ZBBX: variants seen among roughly 807,000 people sequenced by gnomAD.
The protein encoded by ZBBX is zinc finger B-box domain containing, also known as zinc finger B-box domain-containing protein 1.
In ZBBX, 101 loss-of-function variants were observed where a neutral mutation model predicts 108.5. The observed-to-expected ratio is 0.93, with a 90% CI of 0.79 to 1.10. ZBBX has a LOEUF of 1.10. Among genes scored for constraint, ZBBX ranks in the 50% least tolerant of loss-of-function variants. The pLI is 0.00. For missense variants in ZBBX, 1,009 were observed against 941.4 expected (o/e 1.07, Z -0.94); for synonymous variants, 356 against 323.4 (o/e 1.10, Z -1.08).
chr3:167,193,706 C>A, the ZBBX span, among the ~76,000 whole-genome samples: 1 of 151,848 alleles, frequency 6.6e-6, no homozygotes, highest in Non-Finnish European at 1.5e-5. Flanking sequence ...TCACAATAGC[C>A]AAAATATGGA....
intron 20 of ZBBX, among the ~76,000 whole-genome samples, chr3:167,245,863 T>C (rs1247591212): frequency 2.0e-5 from 3 of 152,222 alleles, no homozygotes; most frequent in Admixed American, 6.5e-5. Flanking sequence ...AGTTATTTCT[T>C]ATAGCAGTGT....
chr3:167,400,670 G>A (rs190500334), intron 1 of ZBBX, among the ~76,000 whole-genome samples: 12 of 152,146 alleles, frequency 7.9e-5, no homozygotes, highest in Non-Finnish European at 8.8e-5. Context: ...GCCCGTACCC[G>A]TGACACAGCC....
At position 167,353,547 on chromosome 3, in the gene ZBBX, G is replaced by A. The variant is rs142403314; in HGVS notation, c.433-3032C>T. Among the ~76,000 whole-genome samples the A allele has an allele frequency of 2.8e-3, 427 of 152,076 alleles. 5 individuals are homozygous for A. The highest frequency in any genetic ancestry group is 9.8e-3 in the African/African-American group (408 of 41,528). On this transcript the variant is annotated intron_variant, in intron 8 of 21. Transcript: ENST00000675490. Reference sequence around the variant, plus strand: ...GTAAAGACTGAAAAATTACATAGTGGCTATGATGTTCCCATTCAGATGATG... The same window carrying A: ...GTAAAGACTGAAAAATTACATAGTGACTATGATGTTCCCATTCAGATGATG...
chr3:167,387,449 A>G (rs1560214501), intron 1 of ZBBX, among the ~76,000 whole-genome samples: 1 of 152,180 alleles, frequency 6.6e-6, no homozygotes, highest in East Asian at 1.9e-4. Flanking sequence ...TTCAGTCACA[A>G]TGATGTTCAA....
In ZBBX at chr3:167,286,790, G is replaced by T. The variant is rs956829684; in HGVS notation, c.1996+2077C>A. 2.6e-5 allele frequency among the ~76,000 whole-genome samples: 4 copies of T among 152,244 alleles called. No individual in the cohort carries two copies. The South Asian group carries it at 8.3e-4, about 32-fold the overall frequency. On this transcript the variant is annotated intron_variant, in intron 19 of 21. Transcript: ENST00000675490. ...TAGGGGAGGATTAAGTTGTGGCAGG[G>T]ATGAGAAGAATGAATAAACTTGCTG...
chr3:167,198,408 A>C, the ZBBX span, among the ~76,000 whole-genome samples: 1 of 152,144 alleles, frequency 6.6e-6, no homozygotes, highest in South Asian at 2.1e-4. Context: ...TATTATTTGT[A>C]AAATTCTTGA....
chr3:167,262,630 T>C (rs1724750629), intron 20 of ZBBX, among the ~76,000 whole-genome samples: 2 of 152,152 alleles, frequency 1.3e-5, no homozygotes, highest in African/African-American at 4.8e-5. Context: ...ATTTTTATTA[T>C]GGCTTCAATC....
intron 12 of ZBBX, among the ~76,000 whole-genome samples, chr3:167,320,587 G>A (rs1736275307): frequency 6.6e-6 from 1 of 152,000 alleles, no homozygotes; most frequent in Non-Finnish European, 1.5e-5. Flanking sequence ...GGAAAACAGA[G>A]TTGATGTATC....
intron 9 of ZBBX, among the ~76,000 whole-genome samples, chr3:167,340,369 T>C (rs887607835): frequency 6.6e-6 from 1 of 151,992 alleles, no homozygotes; most frequent in Non-Finnish European, 1.5e-5. Context: ...AATAAACCCA[T>C]CAAATTTCCA....
At chr3:167,219,930 T>A in the ZBBX span, among the ~76,000 whole-genome samples, 1 of 151,952 alleles carries the variant, frequency 6.6e-6, no homozygotes, top group African/African-American at 2.4e-5. Flanking sequence ...CAGCCGATAC[T>A]GCAGAAATTC....
intron 15 of ZBBX, 68 bp downstream of exon 15, chr3:167,315,682 C>G (rs1735317821): frequency 1.8e-6 from 2 of 1,106,932 alleles, no homozygotes; most frequent in Admixed American, 2.0e-5. Context: ...TTTAAAAAGA[C>G]AGATGATTTT....
rs1741956856 is a variant in ZBBX at position 167,348,343 on chromosome 3, A to AGAAG, written c.528+2076_528+2077insCTTC. ...AAGAAAGAAAGAAAGAAAGAAAGAAAGAAAGAAAGAAAGAAAGAAAGAAAG... is the reference window on the plus strand; with the variant it reads ...AAGAAAGAAAGAAAGAAAGAAAGAAAGAAGGAAAGAAAGAAAGAAAGAAAGAAAG... On this transcript the variant is annotated intron_variant, in intron 9 of 21. Transcript: ENST00000675490. Among the ~76,000 whole-genome samples, 6 of 111,070 alleles carry AGAAG rather than the reference A, an allele frequency of 5.4e-5. No homozygotes were observed. The East Asian group carries it at 1.6e-3, about 30-fold the overall frequency. 72.9% of individuals were successfully genotyped at this position (111,070 alleles called of 152,430 possible).
At chr3:167,216,951 T>C in the ZBBX span, among the ~76,000 whole-genome samples, 2 of 152,108 alleles carry the variant, frequency 1.3e-5, no homozygotes, top group Non-Finnish European at 2.9e-5. Flanking sequence ...CCCTTCTTTA[T>C]ATCATGTACA....
intron 2 of ZBBX, among the ~76,000 whole-genome samples, chr3:167,378,333 C>T (rs1479029621): frequency 6.6e-6 from 1 of 152,110 alleles, no homozygotes. Context: ...AACTGAGAAA[C>T]TTTGCCTTTA....
At chr3:167,382,016 G>A (rs887303428), upstream of ZBBX, among the ~76,000 whole-genome samples, 2 of 152,130 alleles carry the variant, frequency 1.3e-5, no homozygotes, top group Non-Finnish European at 2.9e-5. Flanking sequence ...TTATGTCCCA[G>A]TAAAGATTAT....
intron 9 of ZBBX, among the ~76,000 whole-genome samples, chr3:167,338,998 A>T (rs1389963334): frequency 1.3e-5 from 2 of 152,112 alleles, no homozygotes; most frequent in African/African-American, 4.8e-5. Flanking sequence ...TTGAGAAAAC[A>T]CTTCCTTCTC....
chr3:167,260,654 G>A (rs1576801125), intron 20 of ZBBX, among the ~76,000 whole-genome samples: 1 of 152,186 alleles, frequency 6.6e-6, no homozygotes, highest in Non-Finnish European at 1.5e-5. Context: ...ATTTCTAAAA[G>A]TGTGTCCAAA....
chr3:167,385,847 A>C (rs1747907287), intron 1 of ZBBX, among the ~76,000 whole-genome samples: 1 of 152,030 alleles, frequency 6.6e-6, no homozygotes, highest in African/African-American at 2.4e-5. Context: ...TGAAACTTAC[A>C]TGGTGCATAA....
rs552278478 is a variant in ZBBX at position 167,295,678 on chromosome 3, T to A, written c.1879+2627A>T. ...GTACCCAGAACTTAAAGTGAAATTT[T>A]AAAAAAAAATCATGAAGAAACAAAA... is the stretch of plus-strand genomic sequence containing the variant. On this transcript the variant is annotated intron_variant, in intron 18 of 21. Transcript: ENST00000675490. Among the ~76,000 whole-genome samples the A allele has an allele frequency of 1.2e-3, 158 of 132,182 alleles. 2 individuals are homozygous for A. The highest frequency in any genetic ancestry group is 4.5e-3 in the Middle Eastern group (1 of 224). The allele number at this position is 132,182 out of a possible 152,430, so 86.7% of individuals were successfully genotyped here. A position where few individuals can be genotyped will look rare whatever the true frequency, so the allele number is the denominator to read the frequency against.
Sources: allele counts gnomAD v4.1 joint callset (sites outside exome capture counted in the v4.1 genomes callset), GRCh38; gene constraint gnomAD v4.1.1; transcripts MANE v1.5; gene names NCBI Gene and HGNC (gene_info 2026-07-23, HGNC 2026-07-21).